The following ARHGAP24 variants were observed in gnomAD, a reference collection of about 807,000 sequenced individuals.
The protein encoded by ARHGAP24 is rho GTPase-activating protein 24.
A neutral mutation model predicts 76.4 loss-of-function variants in ARHGAP24; 50 were observed. The ratio of observed to expected loss-of-function variants is 0.65; its 90% CI spans 0.52 to 0.83. The LOEUF is 0.83. Ranked by LOEUF, ARHGAP24 falls within the 40% of genes least tolerant of loss-of-function variation. ARHGAP24 has a pLI of 0.00. For missense variants in ARHGAP24, 930 were observed against 914.2 expected, an observed-to-expected ratio of 1.02 and a Z score of -0.22; for synonymous variants, 345 against 323.3, an observed-to-expected ratio of 1.07 and a Z score of -0.72.
At chr4:85,573,309 C>T (rs1727214720) in intron 2 of ARHGAP24, among the ~76,000 whole-genome samples, 1 of 152,190 alleles carries the variant, frequency 6.6e-6, no homozygotes, top group African/African-American at 2.4e-5. Context: ...AGATTAAGAA[C>T]TGACAATTTC....
In ARHGAP24 at chr4:85,727,319, T is replaced by C. The variant is rs146560950; in HGVS notation, c.268+5347T>C. Among the ~76,000 whole-genome samples, 42 of 152,296 alleles carry C rather than the reference T, an allele frequency of 2.8e-4. No individual in the cohort carries two copies. The East Asian group carries it at 7.0e-3, about 25-fold the overall frequency. ...TGGATACACTGGTATCTTTCCAGAC[T>C]CATTCATTAAGAATGAGAATTTTGG... On this transcript the variant is annotated intron_variant, in intron 3 of 9. Coordinates refer to ENST00000395184, the MANE Select transcript of ARHGAP24 (RefSeq NM_001025616.3).
intron 1 of ARHGAP24, among the ~76,000 whole-genome samples, chr4:85,500,622 A>G (rs1193563223): frequency 6.6e-6 from 1 of 152,242 alleles, no homozygotes; most frequent in East Asian, 1.9e-4. Context: ...TGTTATAATT[A>G]TATCACATGA....
intron 1 of ARHGAP24, among the ~76,000 whole-genome samples, chr4:85,509,222 C>T (rs890595686): frequency 6.8e-6 from 1 of 147,986 alleles, no homozygotes; most frequent in African/African-American, 2.5e-5. Flanking sequence ...GGAGGGATAG[C>T]ATTAGGAGAT....
chr4:85,756,813 G>A (rs903671880), intron 3 of ARHGAP24, among the ~76,000 whole-genome samples: 4 of 152,136 alleles, frequency 2.6e-5, no homozygotes, highest in Admixed American at 2.0e-4. Context: ...TTATTGATCT[G>A]CAGTATAATT....
chr4:85,588,624 C>A (rs936118237), intron 2 of ARHGAP24, among the ~76,000 whole-genome samples: 1 of 152,066 alleles, frequency 6.6e-6, no homozygotes, highest in Admixed American at 6.6e-5. Context: ...TCATTTTGGA[C>A]GTGGGCATCT....
intron 1 of ARHGAP24, among the ~76,000 whole-genome samples, chr4:85,557,009 G>A (rs1726404871): frequency 6.6e-6 from 1 of 152,168 alleles, no homozygotes; most frequent in South Asian, 2.1e-4. Context: ...TCTGCCGGGG[G>A]TCTGGGAGAG....
intron 3 of ARHGAP24, among the ~76,000 whole-genome samples, chr4:85,817,616 A>G (rs966353504): frequency 6.6e-6 from 1 of 152,208 alleles, no homozygotes; most frequent in South Asian, 2.1e-4. Flanking sequence ...TTTTCCACAT[A>G]ATTCATTTTA....
intron 2 of ARHGAP24, among the ~76,000 whole-genome samples, chr4:85,630,685 T>C (rs1340617369): frequency 2.0e-5 from 3 of 152,142 alleles, no homozygotes; most frequent in Admixed American, 6.5e-5. Context: ...ATCATATGAG[T>C]ATCTTTTTCT....
At chr4:85,726,866 C>A (rs1578175936) in intron 3 of ARHGAP24, among the ~76,000 whole-genome samples, 1 of 152,182 alleles carries the variant, frequency 6.6e-6, no homozygotes, top group South Asian at 2.1e-4. Context: ...TAATTTGATC[C>A]AGGTTAAAAA....
chr4:85,957,668 TCTTTC>T (rs1170806045), intron 5 of ARHGAP24, among the ~76,000 whole-genome samples: 2 of 152,224 alleles, frequency 1.3e-5, no homozygotes, highest in Non-Finnish European at 2.9e-5. Flanking sequence ...CTGGGAGGCC[TCTTTC>T]CTTTAAATGC....
At chr4:85,868,720 A>G (rs1005732489) in intron 3 of ARHGAP24, among the ~76,000 whole-genome samples, 1 of 152,122 alleles carries the variant, frequency 6.6e-6, no homozygotes, top group Non-Finnish European at 1.5e-5. Context: ...TAATGTGTTA[A>G]TAATAGGGAA....
At chr4:85,753,556 G>A (rs1459141813) in intron 3 of ARHGAP24, among the ~76,000 whole-genome samples, 1 of 152,140 alleles carries the variant, frequency 6.6e-6, no homozygotes, top group Non-Finnish European at 1.5e-5. Flanking sequence ...AGTAATATTT[G>A]GAAGTCAACA....
intron 3 of ARHGAP24, among the ~76,000 whole-genome samples, chr4:85,731,740 A>G (rs1057106870): frequency 1.3e-5 from 2 of 152,194 alleles, no homozygotes; most frequent in Non-Finnish European, 2.9e-5. Context: ...AGCTAGATGG[A>G]GGATATTGAA....
At chr4:85,859,940 A>T (rs901987639) in intron 3 of ARHGAP24, among the ~76,000 whole-genome samples, 1 of 152,074 alleles carries the variant, frequency 6.6e-6, no homozygotes, top group African/African-American at 2.4e-5. Context: ...TTAAAAAAAA[A>T]ATTCAAGCAT....
chr4:85,772,795 G>C (rs1227253808), intron 3 of ARHGAP24, among the ~76,000 whole-genome samples: 1 of 152,126 alleles, frequency 6.6e-6, no homozygotes, highest in East Asian at 1.9e-4. Flanking sequence ...CTAATTTTCT[G>C]CCCATGAAAT....
intron 1 of ARHGAP24, among the ~76,000 whole-genome samples, chr4:85,483,189 G>A (rs188339813): frequency 2.0e-5 from 3 of 152,132 alleles, no homozygotes; most frequent in Admixed American, 2.0e-4. Context: ...ACAAACAGGG[G>A]GAATCCTGAG....
intron 3 of ARHGAP24, among the ~76,000 whole-genome samples, chr4:85,889,146 G>A (rs1733738497): frequency 6.6e-6 from 1 of 152,126 alleles, no homozygotes; most frequent in Non-Finnish European, 1.5e-5. Flanking sequence ...TGTTTCAAGA[G>A]AATGAATATC....
intron 3 of ARHGAP24, among the ~76,000 whole-genome samples, chr4:85,733,819 A>T (rs1725506217): frequency 6.6e-6 from 1 of 152,140 alleles, no homozygotes; most frequent in Admixed American, 6.5e-5. Context: ...CCTCATTTTA[A>T]ATTAATTACC....
Position 85,665,427 on chromosome 4 carries a change from A to G in ARHGAP24, c.181-56458A>G, listed in dbSNP as rs1055437768. Among the ~76,000 whole-genome samples the G allele has an allele frequency of 6.6e-5, 10 of 152,158 alleles. No homozygotes were observed. The South Asian group carries it at 2.1e-3, about 32-fold the overall frequency. ...GTGTGTCTCTGCACGTGAGATGGGTATCCTGAATACAGCACACTGATGGGT... is the reference window on the plus strand; with the variant it reads ...GTGTGTCTCTGCACGTGAGATGGGTGTCCTGAATACAGCACACTGATGGGT... On this transcript the variant is annotated intron_variant, in intron 2 of 9. Coordinates refer to ENST00000395184, the MANE Select transcript of ARHGAP24 (RefSeq NM_001025616.3).
Sources: allele counts gnomAD v4.1 joint callset (sites outside exome capture counted in the v4.1 genomes callset), GRCh38; gene constraint gnomAD v4.1.1; transcripts MANE v1.5; gene names NCBI Gene and HGNC (gene_info 2026-07-23, HGNC 2026-07-21).